Variants in STN1 observed in about 807,000 individuals in gnomAD.
The protein encoded by STN1 is CST complex subunit STN1.
A neutral mutation model predicts 45.5 loss-of-function variants in STN1; 29 were observed. That is an observed-to-expected ratio of 0.64 (90% CI 0.47 to 0.87). The LOEUF (loss-of-function observed/expected upper bound fraction) is 0.87. STN1 is among the 40% of genes least tolerant of loss of function. The pLI, the probability that STN1 is intolerant of heterozygous loss-of-function variation, is 0.00. For missense variants in STN1, 376 were observed against 441.4 expected (o/e 0.85, Z 1.33); for synonymous variants, 148 against 159.0 (o/e 0.93, Z 0.52).
rs1843062688 is a variant in STN1, at chr10:103,880,678, TAGAC to T, written c.*2002_*2005del. Among the ~76,000 whole-genome samples the T allele has an allele frequency of 6.6e-6, 1 of 152,178 alleles. No homozygotes were observed. Among genetic ancestry groups the T allele is most frequent in the Non-Finnish European group, 1.5e-5 (1 of 68,038 alleles). On this transcript the variant is annotated 3_prime_UTR_variant, in exon 10 of 10. Transcript: ENST00000224950. ...CCATTCTGGGTTTAAACTGAGGTGT[TAGAC>T]AGCATGTAGATGGTATAATCCATGT...
intron 6 of STN1, 91 bp downstream of exon 6, chr10:103,898,786 A>G: frequency 6.7e-7 from 1 of 1,502,190 alleles, no homozygotes; most frequent in Non-Finnish European, 9.2e-7. Flanking sequence ...ATGATTCGGG[A>G]TTTGAACCTA....
At chr10:103,888,900 A>C (rs1843120343) in intron 9 of STN1, among the ~76,000 whole-genome samples, 172 bp downstream of exon 9, 1 of 151,840 alleles carries the variant, frequency 6.6e-6, no homozygotes, top group South Asian at 2.1e-4. Context: ...CTAGCCCAAC[A>C]CTCCTTTAGA....
At chr10:103,886,525 G>C (rs1290588712) in intron 9 of STN1, among the ~76,000 whole-genome samples, 1 of 151,834 alleles carries the variant, frequency 6.6e-6, no homozygotes, top group South Asian at 2.1e-4. Context: ...CCAAAATCCA[G>C]ATTTTGTCAA....
intron 2 of STN1, among the ~76,000 whole-genome samples, chr10:103,915,974 G>C (rs1268708603): frequency 6.6e-6 from 1 of 152,032 alleles, no homozygotes; most frequent in Non-Finnish European, 1.5e-5. Flanking sequence ...CAGGATGTGG[G>C]GCTCAGGCAG....
At chr10:103,902,375 A>C (rs1843215267) in intron 4 of STN1, among the ~76,000 whole-genome samples, 1 of 152,222 alleles carries the variant, frequency 6.6e-6, no homozygotes, top group Non-Finnish European at 1.5e-5. Flanking sequence ...ATAGGTGATA[A>C]TAAATGCTTC....
chr10:103,892,208 T>C lies in STN1; in HGVS notation c.798A>G (p.Ile266Met), dbSNP rs2134361090. 1 of 1,607,142 alleles carries C rather than the reference T, an allele frequency of 6.2e-7. No individual in the cohort carries two copies. Among genetic ancestry groups the C allele is most frequent in the Non-Finnish European group, 8.5e-7 (1 of 1,177,568 alleles). ...KDTTSKAIHS[I>M]FKNAIQLLQE... ...GCAGCAGTTGTATAGCATTCTTAAA[T>C]ATACTATGAATTGCCTTGGAAGTGG... is the stretch of plus-strand genomic sequence containing the variant. The change falls in exon 8 of 10, where the codon ATA (isoleucine) becomes ATG (methionine). Residue 266 changes from isoleucine (I) to methionine (M), a missense_variant. Physicochemically the swap from Ile to Met is conservative, Grantham distance 10 (BLOSUM62 1). Coordinates refer to ENST00000224950, the MANE Select transcript of STN1 (RefSeq NM_024928.5).
chr10:103,895,912 G>A (rs956335747), intron 7 of STN1, among the ~76,000 whole-genome samples: 6 of 152,136 alleles, frequency 3.9e-5, no homozygotes, highest in African/African-American at 1.2e-4. Context: ...CTATATGTAC[G>A]GCTAGGAAAG....
chr10:103,917,633 G>A lies in STN1; in HGVS notation c.-39C>T. ...TGTGGCTTCCAGCTAACTCTGAAAG[G>A]TTCTGCATCACTGAGTCAAGCATCT... On this transcript the variant is annotated 5_prime_UTR_variant, in exon 2 of 10. Transcript: ENST00000224950. The A allele has an allele frequency of 4.4e-6, 7 of 1,604,590 alleles. No homozygotes were observed. Among genetic ancestry groups the A allele is most frequent in the Non-Finnish European group, 6.0e-6 (7 of 1,175,636 alleles).
intron 6 of STN1, 70 bp from the exon 7 acceptor site, chr10:103,897,789 C>T: frequency 6.6e-7 from 1 of 1,516,402 alleles, no homozygotes; most frequent in Non-Finnish European, 9.0e-7. Context: ...TGTATAAAAA[C>T]CAGAAAATTA....
intron 9 of STN1, among the ~76,000 whole-genome samples, 174 bp from the exon 10 acceptor site, chr10:103,883,015 T>C (rs1435767474): frequency 1.3e-5 from 2 of 152,192 alleles, no homozygotes; most frequent in African/African-American, 4.8e-5. Flanking sequence ...GAAACACCTG[T>C]TCTCAGGCCC....
chr10:103,897,162 A>C (rs886719659), intron 7 of STN1, among the ~76,000 whole-genome samples: 3 of 152,214 alleles, frequency 2.0e-5, no homozygotes, highest in African/African-American at 7.2e-5. Flanking sequence ...AGGAACACTT[A>C]AGTAATTTTT....
Position 103,889,827 on chromosome 10 carries a change from C to T in STN1, c.877-683G>A, listed in dbSNP as rs181025451. On this transcript the variant is annotated intron_variant, in intron 8 of 9. Transcript: ENST00000224950. ...AAGTGATTCTCCCGCCTCAGCCTCC[C>T]GAGTAGCTGGGATTACAAGCGTGCA... Among the ~76,000 whole-genome samples the T allele has an allele frequency of 4.6e-3, 695 of 151,956 alleles. 2 individuals carry two copies. The highest frequency in any genetic ancestry group is 7.0e-3 in the Non-Finnish European group (475 of 67,976).
At position 103,913,735 on chromosome 10, in the gene STN1, T is replaced by G. The variant is rs1319561151; in HGVS notation, c.134-3113A>C. 3.3e-5 allele frequency among the ~76,000 whole-genome samples: 5 copies of G among 152,182 alleles called. No individual in the cohort carries two copies. In the East Asian group the frequency reaches 9.6e-4, roughly 29 times the overall value. ...AGAGAGCTCAGGAAAGTTGGATGGC[T>G]GCTCTGTCAACTGAGAGAAAGCTTA... is the stretch of plus-strand genomic sequence containing the variant. On this transcript the variant is annotated intron_variant, in intron 2 of 9. Transcript: ENST00000224950.
chr10:103,910,491 C>A, intron 3 of STN1, 36 bp downstream of exon 3: 1 of 1,422,232 alleles, frequency 7.0e-7, no homozygotes, highest in South Asian at 1.2e-5. Flanking sequence ...GGTCAGCCTT[C>A]TACATCAACT....
At chr10:103,910,918 C>G (rs1045896091) in intron 2 of STN1, among the ~76,000 whole-genome samples, 17 of 151,870 alleles carry the variant, frequency 1.1e-4, no homozygotes, top group African/African-American at 3.9e-4. Flanking sequence ...CACAAGGGGC[C>G]TGAAAACAGT....
chr10:103,909,662 T>C (rs1455792725), intron 3 of STN1, among the ~76,000 whole-genome samples: 1 of 151,688 alleles, frequency 6.6e-6, no homozygotes, highest in Non-Finnish European at 1.5e-5. Context: ...AATGCAATAA[T>C]ATTGTATCTA....
chr10:103,882,629 TG>T lies in STN1; in HGVS notation c.*54del. ...CTGCATGATGCTGAAAGTCAGAGCC[TG>T]GGGGTGAATGCCACCTTATCTTTGT... On this transcript the variant is annotated 3_prime_UTR_variant, in exon 10 of 10. Transcript: ENST00000224950. The T allele has an allele frequency of 5.2e-6, 8 of 1,545,220 alleles. No homozygotes were observed. Among genetic ancestry groups the T allele is most frequent in the Non-Finnish European group, 7.0e-6 (8 of 1,140,552 alleles).
chr10:103,904,965 G>T, intron 4 of STN1, 126 bp downstream of exon 4: 1 of 830,556 alleles, frequency 1.2e-6, no homozygotes, highest in Non-Finnish European at 2.0e-6. Flanking sequence ...TAGTGCTTCA[G>T]GTAGATCAAT....
At chr10:103,914,372 A>G (rs765083935) in intron 2 of STN1, among the ~76,000 whole-genome samples, 1 of 82,702 alleles carries the variant, frequency 1.2e-5, no homozygotes, top group Non-Finnish European at 2.2e-5. Flanking sequence ...ATATATATAT[A>G]TATTTTTTTT....
Sources: gnomAD v4.1 joint callset for allele counts (sites outside exome capture counted in the v4.1 genomes callset) on GRCh38, gnomAD v4.1.1 for gene constraint, MANE v1.5 for transcripts, NCBI Gene and HGNC (gene_info 2026-07-23, HGNC 2026-07-21) for gene names.